PLPPR1: variants seen among roughly 807,000 people sequenced by gnomAD.
The protein encoded by PLPPR1 is phospholipid phosphatase-related protein type 1.
In PLPPR1, 10 loss-of-function variants were observed where a neutral mutation model predicts 33.1. The ratio of observed to expected loss-of-function variants is 0.30; its 90% CI spans 0.19 to 0.51. The LOEUF is 0.51. Among genes scored for constraint, PLPPR1 ranks in the 20% least tolerant of loss-of-function variants. The pLI, the probability that PLPPR1 is intolerant of heterozygous loss-of-function variation, is 0.97. For missense variants in PLPPR1, 304 were observed against 408.1 expected (o/e 0.74, Z 2.20); for synonymous variants, 151 against 151.0 (o/e 1.00, Z 0.00).
intron 4 of PLPPR1, among the ~76,000 whole-genome samples, chr9:101,305,570 C>T (rs1260922602): frequency 6.6e-6 from 1 of 152,178 alleles, no homozygotes; most frequent in Admixed American, 6.5e-5. Flanking sequence ...CCACCAACCT[C>T]TGCTAATTGT....
At chr9:101,062,416 G>A (rs1426515294) in intron 1 of PLPPR1, among the ~76,000 whole-genome samples, 1 of 151,972 alleles carries the variant, frequency 6.6e-6, no homozygotes, top group East Asian at 1.9e-4. Context: ...GCTACATACA[G>A]GCTAATATTC....
intron 1 of PLPPR1, among the ~76,000 whole-genome samples, chr9:101,077,410 GTTTTCTTTT>G (rs1041761460): frequency 1.9e-4 from 29 of 151,994 alleles, no homozygotes; most frequent in African/African-American, 6.8e-4. Context: ...TGTTTTCTTT[GTTTTCTTTT>G]TTTTCATGTA....
At position 101,265,414 on chromosome 9, in the gene PLPPR1, A is replaced by G. The variant is rs567330551; in HGVS notation, c.64-4466A>G. ...CCTTCCACCAGTACTTGCACCCAGC[A>G]TGGCCTCACCATCTGCTCATGTGAC... On this transcript the variant is annotated intron_variant, in intron 2 of 7. Transcript: ENST00000374874. Among the ~76,000 whole-genome samples the G allele has an allele frequency of 2.6e-5, 4 of 152,294 alleles. No individual in the cohort carries two copies. In the South Asian group the frequency reaches 6.2e-4, roughly 24 times the overall value.
intron 1 of PLPPR1, among the ~76,000 whole-genome samples, chr9:101,117,979 G>A (rs1306511487): frequency 6.6e-6 from 1 of 152,236 alleles, no homozygotes; most frequent in African/African-American, 2.4e-5. Context: ...GACACTGTCA[G>A]TAGAGACAGA....
At chr9:101,293,368 C>A (rs1412523157) in intron 4 of PLPPR1, among the ~76,000 whole-genome samples, 1 of 151,500 alleles carries the variant, frequency 6.6e-6, no homozygotes, top group African/African-American at 2.4e-5. Context: ...ACTTTAACAC[C>A]CCACTGTCAA....
At chr9:101,141,584 A>G (rs931241918) in intron 1 of PLPPR1, among the ~76,000 whole-genome samples, 1 of 152,204 alleles carries the variant, frequency 6.6e-6, no homozygotes, top group Non-Finnish European at 1.5e-5. Context: ...GGAGGATTCT[A>G]TGTTGTATAT....
intron 3 of PLPPR1, among the ~76,000 whole-genome samples, chr9:101,279,726 A>G (rs3944892): frequency 0.28 from 42,276 of 152,070 alleles, 5,971 homozygotes; most frequent in Admixed American, 0.35. Flanking sequence ...CAGTGGATCA[A>G]TGAATAAGAA....
rs186696744 is a variant in PLPPR1, at chr9:101,101,438, T to C, written c.-46+72336T>C. ...TTTGTTACTGTATGTCACCTTTTGG[T>C]CCAGCTGCAGCTCCAGAACCAGCTC... is the stretch of plus-strand genomic sequence containing the variant. On this transcript the variant is annotated intron_variant, in intron 1 of 7. Coordinates refer to ENST00000374874, the MANE Select transcript of PLPPR1 (RefSeq NM_207299.2). Among the ~76,000 whole-genome samples, 4 of 152,006 alleles carry C rather than the reference T, an allele frequency of 2.6e-5. No homozygotes were observed. In the East Asian group the frequency reaches 7.7e-4, roughly 29 times the overall value.
chr9:101,198,796 G>A (rs1588068862), intron 2 of PLPPR1, among the ~76,000 whole-genome samples: 1 of 152,192 alleles, frequency 6.6e-6, no homozygotes, highest in Non-Finnish European at 1.5e-5. Flanking sequence ...GACCTATAAA[G>A]GTACTGAGAA....
At chr9:101,077,469 A>G (rs1177204437) in intron 1 of PLPPR1, among the ~76,000 whole-genome samples, 1 of 152,114 alleles carries the variant, frequency 6.6e-6, no homozygotes, top group Non-Finnish European at 1.5e-5. Flanking sequence ...TATGTTATGC[A>G]TTCAAATAGT....
At chr9:101,143,358 G>A (rs1176357910) in intron 1 of PLPPR1, among the ~76,000 whole-genome samples, 1 of 152,092 alleles carries the variant, frequency 6.6e-6, no homozygotes, top group Admixed American at 6.6e-5. Context: ...GCTGCATTGT[G>A]TCTTTCCTCC....
At chr9:101,276,065 C>G (rs569763257) in intron 3 of PLPPR1, among the ~76,000 whole-genome samples, 1 of 152,144 alleles carries the variant, frequency 6.6e-6, no homozygotes, top group African/African-American at 2.4e-5. Flanking sequence ...GGCTGGCTGA[C>G]GAGGGGTGCA....
At chr9:101,114,760 G>GCTTA (rs1831099188) in intron 1 of PLPPR1, among the ~76,000 whole-genome samples, 1 of 152,188 alleles carries the variant, frequency 6.6e-6, no homozygotes, top group South Asian at 2.1e-4. Context: ...AGTGCAAAGT[G>GCTTA]CTTAGGTAGA....
chr9:101,148,361 T>C (rs2118644993), intron 1 of PLPPR1, among the ~76,000 whole-genome samples: 1 of 152,304 alleles, frequency 6.6e-6, no homozygotes, highest in East Asian at 1.9e-4. Context: ...CAAAAAGCTC[T>C]TAAAGAGTAA....
At chr9:101,048,775 C>G (rs1407793031) in intron 1 of PLPPR1, among the ~76,000 whole-genome samples, 1 of 152,192 alleles carries the variant, frequency 6.6e-6, no homozygotes, top group Non-Finnish European at 1.5e-5. Flanking sequence ...TCAGAGCCAT[C>G]TTCTACAGGG....
intron 1 of PLPPR1, among the ~76,000 whole-genome samples, chr9:101,120,093 A>C (rs1464572190): frequency 4.6e-5 from 7 of 152,250 alleles, no homozygotes; most frequent in Non-Finnish European, 1.0e-4. Context: ...TGGCTGATTA[A>C]GTCACACATC....
intron 1 of PLPPR1, among the ~76,000 whole-genome samples, chr9:101,183,440 T>C (rs1826152317): frequency 6.6e-6 from 1 of 151,816 alleles, no homozygotes; most frequent in South Asian, 2.1e-4. Context: ...TCATTTAAAA[T>C]ATCCAGAAAA....
chr9:101,261,450 C>T (rs752203900), intron 2 of PLPPR1, among the ~76,000 whole-genome samples: 1 of 152,180 alleles, frequency 6.6e-6, no homozygotes, highest in Non-Finnish European at 1.5e-5. Flanking sequence ...CCTGTGGGCA[C>T]CTCTTTAGTC....
intron 3 of PLPPR1, among the ~76,000 whole-genome samples, chr9:101,280,035 GACAA>G (rs369978050): frequency 6.2e-4 from 94 of 152,036 alleles, no homozygotes; most frequent in African/African-American, 2.0e-3. Flanking sequence ...AAGGATAACT[GACAA>G]ACAGTTAGCC....
Sources: allele counts gnomAD v4.1 joint callset (sites outside exome capture counted in the v4.1 genomes callset), GRCh38; gene constraint gnomAD v4.1.1; transcripts MANE v1.5; gene names NCBI Gene and HGNC (gene_info 2026-07-23, HGNC 2026-07-21).